RIF1: variants seen among roughly 807,000 people sequenced by gnomAD.
The protein encoded by RIF1 is replication timing regulatory factor 1, also known as telomere-associated protein RIF1.
RIF1 carries 45 observed loss-of-function variants against 247.1 expected under a neutral mutation model. The ratio of observed to expected loss-of-function variants is 0.18; its 90% CI spans 0.14 to 0.23. RIF1 has a LOEUF of 0.23. Ranked by LOEUF, RIF1 falls within the 10% of genes least tolerant of loss-of-function variation. The probability of loss-of-function intolerance (pLI) is 1.00; values close to 1 mark genes in which losing one functional copy is unlikely to be tolerated. For missense variants in RIF1, 2,967 were observed against 2,862.5 expected (o/e 1.04, Z -0.83); for synonymous variants, 1,087 against 978.8 (o/e 1.11, Z -2.06).
downstream of RIF1, chr2:151,486,080 C>A: frequency 1.3e-6 from 1 of 780,426 alleles, no homozygotes; most frequent in Non-Finnish European, 2.0e-6. Flanking sequence ...GTAAAAGGAA[C>A]CCACAAAATA....
chr2:151,459,856 C>G, intron 25 of RIF1, 144 bp from the exon 26 acceptor site: 2 of 694,974 alleles, frequency 2.9e-6, no homozygotes, highest in Non-Finnish European at 4.6e-6. Context: ...GCTTTCCTTT[C>G]TTTGATTTTT....
At position 151,478,019 on chromosome 2, in the gene RIF1, A is replaced by G. The variant is rs1342191190; in HGVS notation, c.*2948A>G. On this transcript the variant is annotated 3_prime_UTR_variant, in exon 36 of 36. Transcript: ENST00000444746. ...CCACCGCTCCTGGCCCATCATTTCC[A>G]TATCTATGAAATCTATTTTGGATTT... 4.6e-5 allele frequency: 7 copies of G among 152,198 alleles called. No individual in the cohort carries two copies. Among genetic ancestry groups the G allele is most frequent in the South Asian group, 2.1e-4 (1 of 4,824 alleles). The allele number at this position is 152,198 out of a possible 1,614,324, so 9.4% of individuals were successfully genotyped here. A position where few individuals can be genotyped will look rare whatever the true frequency, so the allele number is the denominator to read the frequency against.
intron 34 of RIF1, 95 bp downstream of exon 34, chr2:151,469,959 G>A: frequency 2.4e-6 from 2 of 829,360 alleles, no homozygotes; most frequent in Non-Finnish European, 3.6e-6. Context: ...TAATGGCACA[G>A]GGAAATTGAT....
intron 6 of RIF1, among the ~76,000 whole-genome samples, chr2:151,417,265 G>C (rs912354600): frequency 1.3e-5 from 2 of 152,188 alleles, no homozygotes; most frequent in Non-Finnish European, 2.9e-5. Context: ...GCAGGGAATA[G>C]AGTACCTTCT....
chr2:151,477,346 CAA>C lies in RIF1; in HGVS notation c.*2277_*2278del, dbSNP rs2048979120. The C allele has an allele frequency of 6.6e-6, 1 of 151,612 alleles. No homozygotes were observed. The highest frequency in any genetic ancestry group is 2.1e-4 in the South Asian group (1 of 4,802). 9.4% of individuals were successfully genotyped at this position (151,612 alleles called of 1,614,324 possible). ...ACAAATGTCAGATCATAATAACACTCAAATGTGTCTTAATTGTCTTATGCATA... is the reference window on the plus strand; with the variant it reads ...ACAAATGTCAGATCATAATAACACTCATGTGTCTTAATTGTCTTATGCATA... On this transcript the variant is annotated 3_prime_UTR_variant, in exon 36 of 36. Transcript: ENST00000444746.
At chr2:151,441,805 G>T (rs1380431407) in intron 15 of RIF1, 100 bp from the exon 16 acceptor site, 2 of 528,974 alleles carry the variant, frequency 3.8e-6, no homozygotes, top group Non-Finnish European at 6.9e-6. Flanking sequence ...GTTAATGAAT[G>T]AACATTACTT....
At chr2:151,526,538 AG>A in the RIF1 span, among the ~76,000 whole-genome samples, 1 of 152,162 alleles carries the variant, frequency 6.6e-6, no homozygotes, top group Non-Finnish European at 1.5e-5. Context: ...CCCTCCCATA[AG>A]CCCTCCATGA....
rs561548675 is a variant in RIF1 at position 151,446,628 on chromosome 2, C to T, written c.2244+53C>T. 1.4e-5 allele frequency: 22 copies of T among 1,545,576 alleles called. No individual in the cohort carries two copies. The African/African-American group carries it at 2.6e-4, about 18-fold the overall frequency. On this transcript the variant is annotated intron_variant, in intron 20 of 35. Transcript: ENST00000444746. Reference sequence around the variant, plus strand: ...TTGTTTGTTTTTAAAGGATTCTTTTCAAGTAAATGGAGATAATATTTGTGA... The same window carrying T: ...TTGTTTGTTTTTAAAGGATTCTTTTTAAGTAAATGGAGATAATATTTGTGA...
At position 151,465,433 on chromosome 2, in the gene RIF1, A is replaced by G; in HGVS notation, c.5913A>G (p.Ser1971=). Residue 1971 remains serine (S), a synonymous_variant, in exon 30 of 36, where the codon TCA becomes TCG. Transcript: ENST00000444746. The stretch of plus-strand genomic sequence containing the variant: ...AAGTAGCAACTGAGGAATTTAATTC[A>G]GATATTAGTCTTTCTGATAATACTA... ...AKEVATEEFN[S]DISLSDNTTP... is the part of the protein sequence containing the mutation. 1 of 1,613,928 alleles carries G rather than the reference A, an allele frequency of 6.2e-7. No homozygotes were observed. The highest frequency in any genetic ancestry group is 8.5e-7 in the Non-Finnish European group (1 of 1,179,872).
the RIF1 span, among the ~76,000 whole-genome samples, chr2:151,532,771 T>C: frequency 9.2e-5 from 14 of 151,390 alleles, no homozygotes; most frequent in Admixed American, 9.2e-4. Flanking sequence ...CTGGGAAAAA[T>C]GGTATTATTA....
At chr2:151,467,240 AT>A (rs1253355374) in intron 30 of RIF1, among the ~76,000 whole-genome samples, 1 of 152,120 alleles carries the variant, frequency 6.6e-6, no homozygotes, top group African/African-American at 2.4e-5. Context: ...AGAAAAAAAA[AT>A]GTTCTTTCAA....
chr2:151,449,462 C>A (rs1020083275), intron 20 of RIF1, among the ~76,000 whole-genome samples: 1 of 151,222 alleles, frequency 6.6e-6, no homozygotes, highest in Admixed American at 6.6e-5. Context: ...TTCTTTCTTT[C>A]TTGATGAGGT....
chr2:151,506,443 A>C (rs1484066635), intron 13 of RIF1: 3 of 564,152 alleles, frequency 5.3e-6, no homozygotes, highest in Non-Finnish European at 9.4e-6. Context: ...GTTATACAAC[A>C]TGGATCTTTC....
the RIF1 span, among the ~76,000 whole-genome samples, chr2:151,530,089 A>G: frequency 6.6e-6 from 1 of 152,188 alleles, no homozygotes; most frequent in Non-Finnish European, 1.5e-5. Context: ...AGGACCCCTT[A>G]AGGGCAAAAA....
the RIF1 span, among the ~76,000 whole-genome samples, chr2:151,518,585 C>G: frequency 6.6e-6 from 1 of 152,090 alleles, no homozygotes; most frequent in Non-Finnish European, 1.5e-5. Flanking sequence ...AATGAGGATC[C>G]AAGTTCAGTA....
intron 27 of RIF1, 61 bp from the exon 28 acceptor site, chr2:151,462,181 A>C: frequency 8.1e-7 from 1 of 1,229,700 alleles, no homozygotes; most frequent in East Asian, 2.4e-5. Flanking sequence ...CCATAAGTTT[A>C]ATTTCTAATT....
rs951613733 is a variant in RIF1 at position 151,446,298 on chromosome 2, C to T, written c.2095-128C>T. 12 of 881,684 alleles carry T rather than the reference C, an allele frequency of 1.4e-5. No individual in the cohort carries two copies. In the East Asian group the frequency reaches 1.6e-4, roughly 12 times the overall value. The allele number at this position is 881,684 out of a possible 1,614,324, so 54.6% of individuals were successfully genotyped here. A position where few individuals can be genotyped will look rare whatever the true frequency, so the allele number is the denominator to read the frequency against. On this transcript the variant is annotated intron_variant, in intron 19 of 35. Coordinates refer to ENST00000444746, the MANE Select transcript of RIF1 (RefSeq NM_018151.5). ...ACAGGCGTGAGCCACTGCACCCGGC[C>T]GTTAGTGTCTTTTTTGACACACTAA...
At chr2:151,518,855 T>C in the RIF1 span, 1 of 692,236 alleles carries the variant, frequency 1.4e-6, no homozygotes, top group Non-Finnish European at 2.6e-6. Flanking sequence ...AACAGTTTTG[T>C]AATAAATCTA....
exon 11 of RIF1, chr2:151,499,455 T>TG: frequency 1.2e-6 from 1 of 842,788 alleles, no homozygotes; most frequent in Non-Finnish European, 1.9e-6. Flanking sequence ...TCATCTACCT[T>TG]GTGGGGAACC....
Sources: gnomAD v4.1 joint callset for allele counts (sites outside exome capture counted in the v4.1 genomes callset) on GRCh38, gnomAD v4.1.1 for gene constraint, MANE v1.5 for transcripts, NCBI Gene and HGNC (gene_info 2026-07-23, HGNC 2026-07-21) for gene names.